RMI1: variants seen among roughly 807,000 people sequenced by gnomAD.
RMI1 encodes the protein recQ-mediated genome instability protein 1.
A neutral mutation model predicts 46.7 loss-of-function variants in RMI1; 36 were observed. The observed-to-expected ratio is 0.77, with a 90% CI of 0.59 to 1.02. The LOEUF is 1.02. Ranked by LOEUF, RMI1 falls within the 50% of genes least tolerant of loss-of-function variation. RMI1 has a pLI of 0.00. For missense variants in RMI1, 676 were observed against 713.7 expected (o/e 0.95, Z 0.60); for synonymous variants, 250 against 252.9 (o/e 0.99, Z 0.11).
intron 1 of RMI1, among the ~76,000 whole-genome samples, chr9:83,990,534 A>G (rs1264106146): frequency 6.6e-6 from 1 of 151,950 alleles, no homozygotes; most frequent in African/African-American, 2.4e-5. Flanking sequence ...AACAATTGGA[A>G]TAAGTTCTAG....
Position 84,002,754 on chromosome 9 carries a change from T to C in RMI1, c.1768T>C (p.Cys590Arg). ...TCAAAGAGATCTAATAGATTTGTGC[T>C]GTCTAATGACTATTTCATTTAATCC... ...KCQRDLIDLC[C>R]LMTISFNPSL... is the part of the protein sequence containing the mutation. Residue 590 changes from cysteine (C) to arginine (R), a missense_variant, in exon 3 of 3, where the codon TGT becomes CGT. Coordinates refer to ENST00000445877, the MANE Select transcript of RMI1 (RefSeq NM_001358291.2). 6.2e-7 allele frequency: 1 copy of C among 1,613,780 alleles called. No homozygotes were observed. The highest frequency in any genetic ancestry group is 8.5e-7 in the Non-Finnish European group (1 of 1,179,752).
At chr9:83,984,194 GCTTTT>G (rs1957457687) in intron 1 of RMI1, among the ~76,000 whole-genome samples, 1 of 151,626 alleles carries the variant, frequency 6.6e-6, no homozygotes, top group Non-Finnish European at 1.5e-5. Context: ...TAAATATATG[GCTTTT>G]CTTTGTCCTT....
chr9:83,980,699 C>T (rs1276202532), upstream of RMI1: 3 of 151,930 alleles, frequency 2.0e-5, no homozygotes, highest in East Asian at 5.8e-4. Context: ...TTCACGCGCA[C>T]AGGGAGGGGG....
chr9:83,981,131 C>G (rs1957378280), intron 1 of RMI1: 1 of 152,332 alleles, frequency 6.6e-6, no homozygotes, highest in African/African-American at 2.4e-5. Context: ...CTCGGCCTGC[C>G]TTGCGCCGGG....
At position 84,003,088 on chromosome 9, in the gene RMI1, C is replaced by G; in HGVS notation, c.*224C>G. ...TAATGTCAGGGTATTGCTCTGTTGCCCAGGCTAGAGTGCAGTGGCATGATC... is the reference window on the plus strand; with the variant it reads ...TAATGTCAGGGTATTGCTCTGTTGCGCAGGCTAGAGTGCAGTGGCATGATC... On this transcript the variant is annotated 3_prime_UTR_variant, in exon 3 of 3. Transcript: ENST00000445877. The G allele has an allele frequency of 2.8e-6, 1 of 357,604 alleles. No individual in the cohort carries two copies. Among genetic ancestry groups the G allele is most frequent in the Admixed American group, 4.3e-5 (1 of 23,040 alleles). The allele number at this position is 357,604 out of a possible 1,614,324, so 22.2% of individuals were successfully genotyped here. A position where few individuals can be genotyped will look rare whatever the true frequency, so the allele number is the denominator to read the frequency against.
In RMI1 at chr9:84,003,405, A is replaced by G. The variant is rs1294050515; in HGVS notation, c.*541A>G. On this transcript the variant is annotated 3_prime_UTR_variant, in exon 3 of 3. Transcript: ENST00000445877. ...TTTTCCACTTGTCACGTCACATAAGATGATTGCTAAAATATTGTACTGGTG... is the reference window on the plus strand; with the variant it reads ...TTTTCCACTTGTCACGTCACATAAGGTGATTGCTAAAATATTGTACTGGTG... 1.8e-5 allele frequency: 3 copies of G among 167,130 alleles called. No homozygotes were observed. Among genetic ancestry groups the G allele is most frequent in the African/African-American group, 4.8e-5 (2 of 41,430 alleles). The allele number at this position is 167,130 out of a possible 1,614,324, so 10.4% of individuals were successfully genotyped here.
intron 1 of RMI1, among the ~76,000 whole-genome samples, chr9:83,986,767 G>A (rs1425622727): frequency 2.0e-5 from 3 of 152,158 alleles, no homozygotes; most frequent in African/African-American, 7.2e-5. Flanking sequence ...TAATATCTCT[G>A]AAATTCATTC....
Position 84,002,615 on chromosome 9 carries a change from AGACTTT to A in RMI1, c.1631_1636del (p.Asp544_Phe545del). 1 of 1,613,926 alleles carries A rather than the reference AGACTTT, an allele frequency of 6.2e-7. No individual in the cohort carries two copies. Among genetic ancestry groups the A allele is most frequent in the African/African-American group, 1.3e-5 (1 of 75,052 alleles). ...CTGATGGTACTGCATATCTAGATGT[AGACTTT>A]GTGGATGAAATACTTACTAGCTTGA... is the stretch of plus-strand genomic sequence containing the variant. On this transcript the variant is annotated inframe_deletion, in exon 3 of 3. Coordinates refer to ENST00000445877, the MANE Select transcript of RMI1 (RefSeq NM_001358291.2).
intron 1 of RMI1, among the ~76,000 whole-genome samples, chr9:83,985,345 AAC>A (rs1957474026): frequency 6.6e-6 from 1 of 152,236 alleles, no homozygotes; most frequent in Admixed American, 6.5e-5. Flanking sequence ...AAATCTGTGT[AAC>A]AGATGTATGT....
At chr9:83,985,836 G>T (rs982926927) in intron 1 of RMI1, among the ~76,000 whole-genome samples, 1 of 152,058 alleles carries the variant, frequency 6.6e-6, no homozygotes, top group African/African-American at 2.4e-5. Flanking sequence ...GGGAAACCCC[G>T]TCTCTACTAA....
chr9:83,990,038 A>G (rs147541770), intron 1 of RMI1, among the ~76,000 whole-genome samples: 23 of 152,220 alleles, frequency 1.5e-4, no homozygotes, highest in African/African-American at 5.3e-4. Flanking sequence ...TTCCAGCAAC[A>G]TGGATGTAAC....
intron 1 of RMI1, among the ~76,000 whole-genome samples, chr9:83,998,866 C>T (rs111660758): frequency 0.035 from 5,372 of 152,202 alleles, 133 homozygotes; most frequent in Non-Finnish European, 0.05. Context: ...AATGGCTGGG[C>T]GCGATTGCTC....
intron 1 of RMI1, among the ~76,000 whole-genome samples, chr9:83,990,533 A>G (rs950007275): frequency 6.6e-6 from 1 of 150,792 alleles, no homozygotes; most frequent in Non-Finnish European, 1.5e-5. Context: ...AAACAATTGG[A>G]ATAAGTTCTA....
intron 1 of RMI1, among the ~76,000 whole-genome samples, chr9:83,998,763 T>G (rs893511620): frequency 1.6e-4 from 24 of 152,310 alleles, no homozygotes; most frequent in African/African-American, 5.5e-4. Flanking sequence ...GTATATATTA[T>G]TTTCTTGAGA....
chr9:83,990,610 G>A (rs1957558009), intron 1 of RMI1, among the ~76,000 whole-genome samples: 2 of 151,914 alleles, frequency 1.3e-5, no homozygotes, highest in Admixed American at 6.6e-5. Context: ...AGAAGAGAAG[G>A]TTTGGAATGT....
chr9:83,998,505 A>AAAG (rs1957692047), intron 1 of RMI1, among the ~76,000 whole-genome samples: 1 of 152,212 alleles, frequency 6.6e-6, no homozygotes, highest in Non-Finnish European at 1.5e-5. Flanking sequence ...GTACAGAACA[A>AAAG]AAGAGGAGAA....
chr9:83,995,506 C>A (rs2133120436), intron 1 of RMI1, among the ~76,000 whole-genome samples: 1 of 151,374 alleles, frequency 6.6e-6, no homozygotes, highest in East Asian at 2.0e-4. Flanking sequence ...CAGATCACTG[C>A]AACCTCCGCC....
At chr9:83,984,771 C>T (rs1251479027) in intron 1 of RMI1, among the ~76,000 whole-genome samples, 4 of 152,286 alleles carry the variant, frequency 2.6e-5, no homozygotes, top group Non-Finnish European at 4.4e-5. Flanking sequence ...CCATGTTGGT[C>T]AGGCTGGTCT....
At chr9:83,987,299 C>T (rs972942291) in intron 1 of RMI1, among the ~76,000 whole-genome samples, 40 of 152,170 alleles carry the variant, frequency 2.6e-4, no homozygotes, top group Non-Finnish European at 4.6e-4. Context: ...ATGATCCACC[C>T]GCCTCGGCCT....
Sources: allele counts gnomAD v4.1 joint callset (sites outside exome capture counted in the v4.1 genomes callset), GRCh38; gene constraint gnomAD v4.1.1; transcripts MANE v1.5; gene names NCBI Gene and HGNC (gene_info 2026-07-23, HGNC 2026-07-21).